Variants in ZNF609 observed in about 807,000 individuals in gnomAD.
The protein encoded by ZNF609 is zinc finger protein 609.
A neutral mutation model predicts 109.5 loss-of-function variants in ZNF609; 11 were observed. The observed-to-expected ratio is 0.10, with a 90% CI of 0.06 to 0.17. The LOEUF is 0.17. Among genes scored for constraint, ZNF609 ranks in the 10% least tolerant of loss-of-function variants. The pLI, the probability that ZNF609 is intolerant of heterozygous loss-of-function variation, is 1.00. For synonymous variants in ZNF609, 646 were observed against 662.0 expected (o/e 0.98, Z 0.37); for missense variants, 1,559 against 1,772.4 (o/e 0.88, Z 2.16).
At position 64,684,662 on chromosome 15, in the gene ZNF609, C is replaced by CT. The variant is rs1342504656; in HGVS notation, c.*2982dup. 1 of 152,654 alleles carries CT rather than the reference C, an allele frequency of 6.6e-6. No homozygotes were observed. Among genetic ancestry groups the CT allele is most frequent in the East Asian group, 1.9e-4 (1 of 5,202 alleles). The allele number at this position is 152,654 out of a possible 1,614,324, so 9.5% of individuals were successfully genotyped here. The stretch of plus-strand genomic sequence containing the variant: ...AATGAAATGGTGATTTCTTGAGTCT[C>CT]TTTTTTCCACGTTTAAGGGGCCATG... On this transcript the variant is annotated 3_prime_UTR_variant, in exon 10 of 10. Transcript: ENST00000326648.
chr15:64,528,649 G>T lies in ZNF609; in HGVS notation c.747+28483G>T. ...TGTCTTCCTCTCATGCTGTCGCTGGGCTGGTGGTCCAGGGGTCTTACTCCT... is the reference window on the plus strand; with the variant it reads ...TGTCTTCCTCTCATGCTGTCGCTGGTCTGGTGGTCCAGGGGTCTTACTCCT... On this transcript the variant is annotated intron_variant, in intron 2 of 9. Transcript: ENST00000326648. 5.9e-6 allele frequency: 6 copies of T among 1,017,922 alleles called. No homozygotes were observed. In the South Asian group the frequency reaches 7.8e-5, roughly 13 times the overall value. 63.1% of individuals were successfully genotyped at this position (1,017,922 alleles called of 1,614,324 possible).
intron 2 of ZNF609, among the ~76,000 whole-genome samples, chr15:64,577,846 C>T (rs932279869): frequency 2.7e-5 from 4 of 150,912 alleles, no homozygotes; most frequent in Admixed American, 6.6e-5. Context: ...GCAACAAGAG[C>T]GAAACTCCGT....
intron 2 of ZNF609, among the ~76,000 whole-genome samples, chr15:64,622,505 A>G (rs879092410): frequency 6.6e-6 from 1 of 152,138 alleles, no homozygotes. Context: ...ATTCTCTTTC[A>G]TTAGAGACTT....
intron 2 of ZNF609, among the ~76,000 whole-genome samples, chr15:64,588,442 A>AAAAAAAAAAAAAAAAAGAAGAAG (rs71133451): frequency 2.7e-5 from 2 of 75,272 alleles, no homozygotes; most frequent in African/African-American, 1.0e-4. Flanking sequence ...AAAAAAAAAA[A>AAAAAAAAAAAAAAAAAGAAGAAG]AAGAAGAGGA....
intron 2 of ZNF609, among the ~76,000 whole-genome samples, chr15:64,565,698 G>GC (rs1288252164): frequency 2.0e-5 from 3 of 152,116 alleles, no homozygotes. Flanking sequence ...ACTAGAATAA[G>GC]CATCTTTAAT....
chr15:64,653,382 C>T (rs763791930), intron 3 of ZNF609, among the ~76,000 whole-genome samples: 7 of 152,106 alleles, frequency 4.6e-5, no homozygotes, highest in Non-Finnish European at 8.8e-5. Context: ...CAGTGGCTCA[C>T]GCCTGTAATC....
intron 1 of ZNF609, among the ~76,000 whole-genome samples, chr15:64,464,036 C>T (rs1341251733): frequency 6.6e-6 from 1 of 152,066 alleles, no homozygotes; most frequent in African/African-American, 2.4e-5. Context: ...GGATTCCCCC[C>T]CAACTACCCG....
chr15:64,479,794 C>T (rs1893226351), intron 1 of ZNF609, among the ~76,000 whole-genome samples: 1 of 151,920 alleles, frequency 6.6e-6, no homozygotes, highest in African/African-American at 2.4e-5. Context: ...TGGTGCACAC[C>T]TGTAATCCCA....
At chr15:64,544,511 T>G (rs16948046) in intron 2 of ZNF609, among the ~76,000 whole-genome samples, 17,820 of 152,218 alleles carry the variant, frequency 0.12, 1,838 homozygotes, top group South Asian at 0.34. Flanking sequence ...ATTAAAATAA[T>G]TTTTTGGCTC....
chr15:64,492,287 G>T (rs1159428446), intron 1 of ZNF609, among the ~76,000 whole-genome samples: 1 of 152,094 alleles, frequency 6.6e-6, no homozygotes, highest in Admixed American at 6.6e-5. Flanking sequence ...GGTAGGCATA[G>T]CCTAAAAGGA....
intron 2 of ZNF609, among the ~76,000 whole-genome samples, chr15:64,507,864 G>A (rs1893659806): frequency 6.6e-6 from 1 of 152,194 alleles, no homozygotes; most frequent in South Asian, 2.1e-4. Flanking sequence ...GCATCAGGAA[G>A]GTGCCAGACC....
chr15:64,591,370 G>T (rs1764675462), intron 2 of ZNF609, among the ~76,000 whole-genome samples: 1 of 152,148 alleles, frequency 6.6e-6, no homozygotes, highest in South Asian at 2.1e-4. Flanking sequence ...AGAGGTTGCA[G>T]TGAGCCAAGA....
intron 2 of ZNF609, among the ~76,000 whole-genome samples, chr15:64,517,305 A>T (rs1893828462): frequency 6.6e-6 from 1 of 152,128 alleles, no homozygotes; most frequent in Admixed American, 6.5e-5. Flanking sequence ...TGAACCCGGG[A>T]AGTGGAGGCT....
At chr15:64,604,822 TATTC>T (rs1376614637) in intron 2 of ZNF609, among the ~76,000 whole-genome samples, 6 of 151,880 alleles carry the variant, frequency 4.0e-5, no homozygotes, top group African/African-American at 1.4e-4. Flanking sequence ...TTTAGTTATT[TATTC>T]ATTTATTTAT....
chr15:64,624,898 T>G (rs1895929840), intron 3 of ZNF609, among the ~76,000 whole-genome samples: 1 of 151,890 alleles, frequency 6.6e-6, no homozygotes, highest in Admixed American at 6.6e-5. Context: ...TAGTGGGGAC[T>G]ACAGGCACAT....
chr15:64,477,923 C>T (rs1332128984), intron 1 of ZNF609, among the ~76,000 whole-genome samples: 1 of 152,178 alleles, frequency 6.6e-6, no homozygotes, highest in Non-Finnish European at 1.5e-5. Context: ...AGCCACTGTG[C>T]CTGGCTGCAT....
intron 1 of ZNF609, among the ~76,000 whole-genome samples, chr15:64,466,834 A>G (rs950694515): frequency 6.7e-5 from 10 of 150,292 alleles, no homozygotes; most frequent in Non-Finnish European, 1.2e-4. Context: ...CCACTTCCCT[A>G]CCCTGAAGAC....
At chr15:64,637,278 A>G (rs970114787) in intron 3 of ZNF609, among the ~76,000 whole-genome samples, 1 of 152,202 alleles carries the variant, frequency 6.6e-6, no homozygotes, top group Non-Finnish European at 1.5e-5. Context: ...GTATACTGCT[A>G]CTTATTCAGT....
intron 1 of ZNF609, among the ~76,000 whole-genome samples, chr15:64,481,451 G>A (rs1034156655): frequency 1.3e-5 from 2 of 151,174 alleles, no homozygotes; most frequent in Non-Finnish European, 2.9e-5. Flanking sequence ...CTCCCTAGTA[G>A]CTAGGATTAC....
Sources: gnomAD v4.1 joint callset for allele counts (sites outside exome capture counted in the v4.1 genomes callset) on GRCh38, gnomAD v4.1.1 for gene constraint, MANE v1.5 for transcripts, NCBI Gene and HGNC (gene_info 2026-07-23, HGNC 2026-07-21) for gene names.